The following TTLL5 variants were observed in gnomAD, a reference collection of about 807,000 sequenced individuals.
TTLL5 encodes tubulin tyrosine ligase like 5.
TTLL5 carries 132 observed loss-of-function variants against 168.4 expected under a neutral mutation model. That is an observed-to-expected ratio of 0.78 (90% CI 0.68 to 0.91). TTLL5 has a LOEUF of 0.91. Ranked by LOEUF, TTLL5 falls within the 40% of genes least tolerant of loss-of-function variation. The pLI, the probability that TTLL5 is intolerant of heterozygous loss-of-function variation, is 0.00. For missense variants in TTLL5, 1,545 were observed against 1,581.5 expected, an observed-to-expected ratio of 0.98 and a Z score of 0.39; for synonymous variants, 546 against 558.6, an observed-to-expected ratio of 0.98 and a Z score of 0.32.
intron 28 of TTLL5, among the ~76,000 whole-genome samples, chr14:75,860,437 A>G (rs1897339862): frequency 6.6e-6 from 1 of 152,376 alleles, no homozygotes; most frequent in African/African-American, 2.4e-5. Flanking sequence ...TCATAGTTAT[A>G]TAAATACTGT....
chr14:75,779,701 T>C lies in TTLL5; in HGVS notation c.2514T>C (p.Gly838=). 1 of 1,610,464 alleles carries C rather than the reference T, an allele frequency of 6.2e-7. No individual in the cohort carries two copies. Among genetic ancestry groups the C allele is most frequent in the Non-Finnish European group, 8.5e-7 (1 of 1,179,038 alleles). Residue 838 remains glycine, a splice_region_variant and synonymous_variant, in exon 24 of 32, where the codon GGT becomes GGC. Transcript: ENST00000298832. Reference sequence around the variant, plus strand: ...ATTATTCTGATAGTGGGGCAAAAGGTGGTAAGTATACTGGTTAATGAACGA... The same window carrying C: ...ATTATTCTGATAGTGGGGCAAAAGGCGGTAAGTATACTGGTTAATGAACGA... ...NNNYSDSGAK[G]DHPETIMEEV...
At chr14:75,915,747 G>C (rs1312328867) in intron 31 of TTLL5, among the ~76,000 whole-genome samples, 2 of 151,978 alleles carry the variant, frequency 1.3e-5, no homozygotes, top group Admixed American at 6.5e-5. Flanking sequence ...ATGAAAAGAT[G>C]CTCAACATTG....
chr14:75,897,003 T>A (rs998643244), intron 30 of TTLL5, among the ~76,000 whole-genome samples: 1 of 151,972 alleles, frequency 6.6e-6, no homozygotes, highest in Non-Finnish European at 1.5e-5. Flanking sequence ...CTAGAAAAAA[T>A]TTTTCAAAAT....
intron 26 of TTLL5, among the ~76,000 whole-genome samples, chr14:75,787,536 G>A (rs1892441365): frequency 6.6e-6 from 1 of 152,142 alleles, no homozygotes; most frequent in South Asian, 2.1e-4. Flanking sequence ...CATGAAGAAT[G>A]TATAAATCCA....
At chr14:75,933,926 C>T (rs1341458223) in intron 31 of TTLL5, among the ~76,000 whole-genome samples, 1 of 152,204 alleles carries the variant, frequency 6.6e-6, no homozygotes, top group African/African-American at 2.4e-5. Flanking sequence ...TGGCCATCTG[C>T]AAGCCAAGGA....
chr14:75,754,985 C>A (rs1396903874), intron 18 of TTLL5, among the ~76,000 whole-genome samples: 1 of 152,072 alleles, frequency 6.6e-6, no homozygotes, highest in African/African-American at 2.4e-5. Context: ...CATAATTTGG[C>A]CAGGCGCGGT....
At chr14:75,841,325 C>T (rs111969513) in intron 28 of TTLL5, among the ~76,000 whole-genome samples, 3 of 152,196 alleles carry the variant, frequency 2.0e-5, no homozygotes, top group South Asian at 4.1e-4. Flanking sequence ...CACTCTTACT[C>T]TACACCCTTC....
At chr14:75,840,339 T>C (rs1266331902) in intron 28 of TTLL5, among the ~76,000 whole-genome samples, 3 of 152,182 alleles carry the variant, frequency 2.0e-5, no homozygotes, top group Non-Finnish European at 4.4e-5. Flanking sequence ...CAACCTGTCA[T>C]CTAGGTTTTA....
chr14:75,707,242 C>T (rs980663012), intron 8 of TTLL5, among the ~76,000 whole-genome samples, 155 bp downstream of exon 8: 6 of 151,906 alleles, frequency 3.9e-5, no homozygotes, highest in Non-Finnish European at 5.9e-5. Flanking sequence ...ACCTATCTCA[C>T]GGGATTTATC....
chr14:75,882,751 A>G lies in TTLL5; in HGVS notation c.3589A>G (p.Arg1197Gly), dbSNP rs761282362. The G allele has an allele frequency of 1.2e-6, 2 of 1,614,050 alleles. No individual in the cohort carries two copies. The highest frequency in any genetic ancestry group is 2.2e-5 in the East Asian group (1 of 44,872). The change falls in exon 30 of 32, where the codon AGA becomes GGA. Residue 1197 changes from arginine to glycine, a missense_variant. Coordinates refer to ENST00000298832, the MANE Select transcript of TTLL5 (RefSeq NM_015072.5). Reference sequence around the variant, plus strand: ...GACAATGAATAATGGTGCAGGTTGTAGAATTTCCAGTGCCACAGCTAGTGG... The same window carrying G: ...GACAATGAATAATGGTGCAGGTTGTGGAATTTCCAGTGCCACAGCTAGTGG... The part of the protein sequence containing the change: ...LWTMNNGAGC[R>G]ISSATASGQK...
rs143484051 is a variant in TTLL5, at chr14:75,931,141, G to A, written c.3824-23283G>A. 5.6e-3 allele frequency among the ~76,000 whole-genome samples: 850 copies of A among 152,252 alleles called. 14 individuals are homozygous for A. The highest frequency in any genetic ancestry group is 0.027 in the South Asian group (128 of 4,824). On this transcript the variant is annotated intron_variant, in intron 31 of 31. Coordinates refer to ENST00000298832, the MANE Select transcript of TTLL5 (RefSeq NM_015072.5). Reference sequence around the variant, plus strand: ...ATTTGTTGTGCCCAGCACAATTCTGGGGCACCATACACACCAAACATGAAC... The same window carrying A: ...ATTTGTTGTGCCCAGCACAATTCTGAGGCACCATACACACCAAACATGAAC...
At chr14:75,884,469 T>G (rs2031990344) in intron 30 of TTLL5, among the ~76,000 whole-genome samples, 1 of 152,206 alleles carries the variant, frequency 6.6e-6, no homozygotes, top group African/African-American at 2.4e-5. Context: ...TTGCAGCTCT[T>G]TGGACAGACT....
intron 28 of TTLL5, among the ~76,000 whole-genome samples, chr14:75,829,467 A>ATACATTTACTATTCATT (rs1159684212): frequency 2.0e-5 from 3 of 152,186 alleles, no homozygotes; most frequent in Non-Finnish European, 4.4e-5. Flanking sequence ...AGGAAGAGAA[A>ATACATTTACTATTCATT]TACATTTACT....
intron 27 of TTLL5, among the ~76,000 whole-genome samples, chr14:75,797,581 A>G (rs1893062722): frequency 6.6e-6 from 1 of 152,166 alleles, no homozygotes; most frequent in East Asian, 1.9e-4. Flanking sequence ...ACCTTAAGGT[A>G]TGTCCATTTT....
chr14:75,951,933 A>C (rs755581261), intron 31 of TTLL5, among the ~76,000 whole-genome samples: 1 of 152,248 alleles, frequency 6.6e-6, no homozygotes, highest in Non-Finnish European at 1.5e-5. Flanking sequence ...GAAAATAGAC[A>C]AACTGGGCAT....
intron 28 of TTLL5, among the ~76,000 whole-genome samples, chr14:75,843,474 C>T (rs1030922220): frequency 1.8e-4 from 27 of 152,216 alleles, no homozygotes; most frequent in Admixed American, 6.5e-5. Flanking sequence ...TAGATTTAAA[C>T]TTTGTTGAGA....
intron 28 of TTLL5, among the ~76,000 whole-genome samples, chr14:75,839,455 T>C (rs1896093217): frequency 6.6e-6 from 1 of 152,168 alleles, no homozygotes; most frequent in Admixed American, 6.5e-5. Context: ...CTGGGTGATT[T>C]ATAAAGAAAA....
chr14:75,902,901 G>A (rs1442744393), intron 31 of TTLL5, among the ~76,000 whole-genome samples: 1 of 152,164 alleles, frequency 6.6e-6, no homozygotes, highest in Non-Finnish European at 1.5e-5. Flanking sequence ...ATACACACCG[G>A]GTGAACAAGA....
chr14:75,701,553 A>G (rs8012864), intron 7 of TTLL5, among the ~76,000 whole-genome samples: 2,392 of 152,296 alleles, frequency 0.016, 82 homozygotes, highest in African/African-American at 0.054. Context: ...CACCTTGCCA[A>G]AATAAAGTGG....
Sources: gnomAD v4.1 joint callset for allele counts (sites outside exome capture counted in the v4.1 genomes callset) on GRCh38, gnomAD v4.1.1 for gene constraint, MANE v1.5 for transcripts, NCBI Gene and HGNC (gene_info 2026-07-23, HGNC 2026-07-21) for gene names.